Variants in GALNT13 observed in about 807,000 individuals in gnomAD.
The protein encoded by GALNT13 is polypeptide N-acetylgalactosaminyltransferase 13, also known as UDP-GalNAc:polypeptide N-acetylgalactosaminyltransferase 13.
GALNT13 carries 28 observed loss-of-function variants against 64.2 expected under a neutral mutation model. The observed-to-expected ratio is 0.44, with a 90% CI of 0.32 to 0.60. The LOEUF (loss-of-function observed/expected upper bound fraction) is 0.60, where lower values mean the gene tolerates loss of function less well. GALNT13 is among the 20% of genes least tolerant of loss of function. GALNT13 has a pLI of 0.05. For synonymous variants in GALNT13, 214 were observed against 224.6 expected (o/e 0.95, Z 0.42); for missense variants, 577 against 669.8 (o/e 0.86, Z 1.53).
At chr2:153,132,024 T>C in the GALNT13 span, among the ~76,000 whole-genome samples, 1 of 152,118 alleles carries the variant, frequency 6.6e-6, no homozygotes, top group Admixed American at 6.5e-5. Context: ...TACAGAGACT[T>C]CATCATCTCC....
chr2:154,098,964 A>T (rs1702210769), intron 3 of GALNT13, among the ~76,000 whole-genome samples: 1 of 151,940 alleles, frequency 6.6e-6, no homozygotes, highest in African/African-American at 2.4e-5. Context: ...GTCAAATGGA[A>T]GTTCTCTTTT....
the GALNT13 span, among the ~76,000 whole-genome samples, chr2:153,598,951 T>C: frequency 1.3e-5 from 2 of 152,070 alleles, no homozygotes; most frequent in Non-Finnish European, 2.9e-5. Context: ...GGCTCAGTTT[T>C]GTGTCTTCCT....
intron 6 of GALNT13, among the ~76,000 whole-genome samples, 191 bp downstream of exon 6, chr2:154,243,096 T>A (rs1689585634): frequency 6.6e-6 from 1 of 152,208 alleles, no homozygotes; most frequent in Non-Finnish European, 1.5e-5. Context: ...AGATAGTTGA[T>A]TAAGAAATAG....
At chr2:153,631,496 C>G in the GALNT13 span, among the ~76,000 whole-genome samples, 1 of 152,198 alleles carries the variant, frequency 6.6e-6, no homozygotes, top group East Asian at 1.9e-4. Context: ...TTTTAATGAT[C>G]GCCGTTCTAA....
intron 12 of GALNT13, among the ~76,000 whole-genome samples, chr2:154,447,095 T>A (rs1435059055): frequency 2.0e-5 from 3 of 151,858 alleles, no homozygotes. Flanking sequence ...TGACAACAGG[T>A]TCTGCGTCAT....
chr2:153,176,788 G>T, the GALNT13 span, among the ~76,000 whole-genome samples: 7 of 135,162 alleles, frequency 5.2e-5, no homozygotes, highest in South Asian at 1.4e-3. Context: ...AAAAAAAAAA[G>T]ATGCATTATC....
chr2:153,612,817 T>C, the GALNT13 span, among the ~76,000 whole-genome samples: 1 of 152,222 alleles, frequency 6.6e-6, no homozygotes, highest in African/African-American at 2.4e-5. Context: ...GACAATATGA[T>C]GACATTAATA....
At chr2:154,082,941 T>C (rs1357861593) in intron 3 of GALNT13, among the ~76,000 whole-genome samples, 1 of 151,542 alleles carries the variant, frequency 6.6e-6, no homozygotes, top group Non-Finnish European at 1.5e-5. Context: ...CAGTTGTGGC[T>C]TTTGTTGCCA....
At chr2:153,830,392 T>G in the GALNT13 span, among the ~76,000 whole-genome samples, 1 of 152,164 alleles carries the variant, frequency 6.6e-6, no homozygotes, top group African/African-American at 2.4e-5. Flanking sequence ...AATTCTTTAA[T>G]TCTAAAATTT....
chr2:154,312,311 C>T (rs1164609178), intron 9 of GALNT13, among the ~76,000 whole-genome samples: 9 of 152,190 alleles, frequency 5.9e-5, no homozygotes, highest in African/African-American at 1.4e-4. Flanking sequence ...CCTGACTTCC[C>T]GCAACACAGA....
the GALNT13 span, among the ~76,000 whole-genome samples, chr2:153,647,006 A>G: frequency 1.3e-5 from 2 of 152,132 alleles, no homozygotes; most frequent in Non-Finnish European, 2.9e-5. Flanking sequence ...GTCAAATGGT[A>G]TTTCTAGTTC....
chr2:153,767,730 T>G, the GALNT13 span, among the ~76,000 whole-genome samples: 1 of 152,178 alleles, frequency 6.6e-6, no homozygotes, highest in Admixed American at 6.5e-5. Flanking sequence ...TATATGTTTG[T>G]TAGCCACTTG....
chr2:154,159,862 T>C (rs1372543313), intron 4 of GALNT13, among the ~76,000 whole-genome samples: 1 of 152,216 alleles, frequency 6.6e-6, no homozygotes, highest in Admixed American at 6.5e-5. Flanking sequence ...AAGTTGGAAG[T>C]CCTTTTTATA....
chr2:154,317,692 A>G (rs1694399757), intron 9 of GALNT13, among the ~76,000 whole-genome samples: 1 of 151,948 alleles, frequency 6.6e-6, no homozygotes. Context: ...TTTCCCTGGG[A>G]CTCCTGGTTT....
the GALNT13 span, among the ~76,000 whole-genome samples, chr2:153,696,975 G>A: frequency 6.6e-6 from 1 of 152,188 alleles, no homozygotes; most frequent in Non-Finnish European, 1.5e-5. Context: ...AAAAACAGGA[G>A]TCAAAGCCAT....
chr2:154,059,685 T>C (rs1700072189), intron 3 of GALNT13, among the ~76,000 whole-genome samples: 1 of 151,786 alleles, frequency 6.6e-6, no homozygotes, highest in South Asian at 2.1e-4. Flanking sequence ...GTTCTACTAA[T>C]AGTTGGATTT....
chr2:154,259,722 A>G (rs147616206), intron 8 of GALNT13, among the ~76,000 whole-genome samples: 256 of 152,338 alleles, frequency 1.7e-3, no homozygotes, highest in African/African-American at 6.0e-3. Flanking sequence ...AATAATTTAA[A>G]TAATATTTTG....
intron 3 of GALNT13, among the ~76,000 whole-genome samples, chr2:153,972,922 T>A (rs964737172): frequency 1.4e-4 from 21 of 152,018 alleles, no homozygotes; most frequent in African/African-American, 3.9e-4. Context: ...ATGAAAAGAA[T>A]GATATAAAGG....
At chr2:153,817,574 T>C in the GALNT13 span, among the ~76,000 whole-genome samples, 1 of 152,148 alleles carries the variant, frequency 6.6e-6, no homozygotes. Context: ...CCCATCCTGC[T>C]CCTCTGCTAT....
Sources: gnomAD v4.1 joint callset for allele counts (sites outside exome capture counted in the v4.1 genomes callset) on GRCh38, gnomAD v4.1.1 for gene constraint, MANE v1.5 for transcripts, NCBI Gene and HGNC (gene_info 2026-07-23, HGNC 2026-07-21) for gene names.